Variants in SLC30A9 observed in about 807,000 individuals in gnomAD.
SLC30A9 encodes proton-coupled zinc antiporter SLC30A9, mitochondrial.
A neutral mutation model predicts 87.5 loss-of-function variants in SLC30A9; 58 were observed. That is an observed-to-expected ratio of 0.66 (90% CI 0.54 to 0.82). The LOEUF (loss-of-function observed/expected upper bound fraction) is 0.82, where lower values mean the gene tolerates loss of function less well. Ranked by LOEUF, SLC30A9 falls within the 40% of genes least tolerant of loss-of-function variation. The pLI is 0.00. For synonymous variants in SLC30A9, 234 were observed against 233.0 expected (o/e 1.00, Z -0.04); for missense variants, 557 against 679.1 (o/e 0.82, Z 2.00).
intron 1 of SLC30A9, among the ~76,000 whole-genome samples, chr4:41,993,067 C>G (rs922091114): frequency 6.6e-6 from 1 of 150,688 alleles, no homozygotes; most frequent in African/African-American, 2.4e-5. Context: ...ATATGAGAGC[C>G]CTGTTTGTAA....
At chr4:42,001,876 A>G (rs1048730922) in intron 2 of SLC30A9, 96 bp downstream of exon 2, 4 of 809,770 alleles carry the variant, frequency 4.9e-6, no homozygotes, top group Admixed American at 6.1e-5. Flanking sequence ...CTTACTTATA[A>G]TACTGTCTGG....
At chr4:42,077,263 A>G (rs1157890955) in intron 16 of SLC30A9, among the ~76,000 whole-genome samples, 1 of 152,090 alleles carries the variant, frequency 6.6e-6, no homozygotes, top group Non-Finnish European at 1.5e-5. Flanking sequence ...TCTTGTTCTA[A>G]TTTTATTTCT....
intron 8 of SLC30A9, among the ~76,000 whole-genome samples, chr4:42,040,371 A>G (rs972999305): frequency 2.0e-5 from 3 of 152,168 alleles, no homozygotes; most frequent in Admixed American, 6.6e-5. Flanking sequence ...ATTATTGTTA[A>G]TATATATTGG....
chr4:42,025,562 C>G (rs1716150985), intron 6 of SLC30A9, among the ~76,000 whole-genome samples: 1 of 152,024 alleles, frequency 6.6e-6, no homozygotes, highest in Admixed American at 6.6e-5. Context: ...TTGTAAAATC[C>G]AAGTTCTTTA....
At chr4:42,004,777 A>G (rs1056717784) in intron 2 of SLC30A9, among the ~76,000 whole-genome samples, 6 of 148,590 alleles carry the variant, frequency 4.0e-5, no homozygotes, top group Non-Finnish European at 7.4e-5. Context: ...TTAGCCCCCT[A>G]AGTAGCTGAG....
At chr4:42,069,436 T>C (rs28498032) in intron 14 of SLC30A9, among the ~76,000 whole-genome samples, 99,256 of 152,084 alleles carry the variant, frequency 0.65, 36,889 homozygotes, top group East Asian at 0.96. Context: ...AAAATAACTC[T>C]TCACATTTGG....
Position 42,059,022 on chromosome 4 carries a change from G to T in SLC30A9, c.841-1169G>T, listed in dbSNP as rs73812703. ...GTGGTAAAAGCTTATAATATTCTGT[G>T]TATTTAGGGTAGGGTTTCCAATATT... On this transcript the variant is annotated intron_variant, in intron 9 of 17. Transcript: ENST00000264451. Among the ~76,000 whole-genome samples, 581 of 152,196 alleles carry T rather than the reference G, an allele frequency of 3.8e-3. 5 individuals carry two copies. Among genetic ancestry groups the T allele is most frequent in the African/African-American group, 0.013 (559 of 41,544 alleles).
chr4:42,010,043 A>C (rs1715375172), intron 2 of SLC30A9, among the ~76,000 whole-genome samples: 1 of 152,208 alleles, frequency 6.6e-6, no homozygotes, highest in Admixed American at 6.5e-5. Context: ...TTAATTTTTT[A>C]AGGTCAAATG....
chr4:42,028,410 C>T (rs1239094709), intron 6 of SLC30A9, among the ~76,000 whole-genome samples: 2 of 152,188 alleles, frequency 1.3e-5, no homozygotes, highest in Non-Finnish European at 2.9e-5. Flanking sequence ...TGAGCCACTG[C>T]GCCCAGCCAC....
intron 9 of SLC30A9, among the ~76,000 whole-genome samples, chr4:42,053,594 C>T (rs1310975773): frequency 6.8e-6 from 1 of 146,806 alleles, no homozygotes; most frequent in Non-Finnish European, 1.5e-5. Context: ...GAGGCTAAGG[C>T]AGGAGAATCG....
intron 6 of SLC30A9, among the ~76,000 whole-genome samples, chr4:42,027,221 C>T (rs1168697167): frequency 8.5e-5 from 13 of 152,218 alleles, no homozygotes. Flanking sequence ...TATTTTGTGA[C>T]AGATGAAAAT....
intron 1 of SLC30A9, among the ~76,000 whole-genome samples, chr4:41,997,159 CAA>C (rs5857827): frequency 1.4e-5 from 2 of 147,280 alleles, no homozygotes. Context: ...TTTCCTAACT[CAA>C]AAAAAAAAAA....
intron 3 of SLC30A9, among the ~76,000 whole-genome samples, chr4:42,018,897 T>C (rs1462281501): frequency 2.0e-5 from 3 of 152,112 alleles, no homozygotes; most frequent in Non-Finnish European, 2.9e-5. Context: ...ATTAATAACC[T>C]GGGCCAGGGT....
intron 8 of SLC30A9, among the ~76,000 whole-genome samples, chr4:42,043,695 T>C (rs1022402744): frequency 2.6e-5 from 4 of 152,098 alleles, no homozygotes; most frequent in Non-Finnish European, 4.4e-5. Context: ...CAGGCTAATA[T>C]TCAAATTCAG....
At chr4:42,024,945 T>C in intron 6 of SLC30A9, among the ~76,000 whole-genome samples, 1 of 152,232 alleles carries the variant, frequency 6.6e-6, no homozygotes, top group African/African-American at 2.4e-5. Flanking sequence ...TTAACCAAAA[T>C]CTAACCAAGT....
At chr4:42,038,073 G>A (rs78487003) in intron 7 of SLC30A9, among the ~76,000 whole-genome samples, 6,459 of 152,198 alleles carry the variant, frequency 0.042, 178 homozygotes, top group African/African-American at 0.058. Flanking sequence ...CGCCCGACCT[G>A]ATTATGGAAT....
Position 42,090,267 on chromosome 4 carries a change from A to G in SLC30A9, c.*4141A>G, listed in dbSNP as rs967067479. The G allele has an allele frequency of 6.6e-6, 1 of 152,232 alleles. No homozygotes were observed. The highest frequency in any genetic ancestry group is 1.5e-5 in the Non-Finnish European group (1 of 68,036). 9.4% of individuals were successfully genotyped at this position (152,232 alleles called of 1,614,324 possible). On this transcript the variant is annotated 3_prime_UTR_variant, in exon 18 of 18. Coordinates refer to ENST00000264451, the MANE Select transcript of SLC30A9 (RefSeq NM_006345.4). The stretch of plus-strand genomic sequence containing the variant: ...AAATGGAACTTTGGAAGCCATTTAT[A>G]TAGATTAGTCTGACAGCCTTTATAT...
intron 3 of SLC30A9, among the ~76,000 whole-genome samples, chr4:42,019,537 G>T (rs1032152045): frequency 5.4e-4 from 82 of 151,620 alleles, no homozygotes; most frequent in Non-Finnish European, 1.3e-4. Context: ...AAATTATTCT[G>T]TACTTTTCTT....
intron 3 of SLC30A9, 50 bp downstream of exon 3, chr4:42,018,220 A>G (rs1560539712): frequency 1.9e-6 from 2 of 1,037,782 alleles, no homozygotes; most frequent in African/African-American, 3.3e-5. Flanking sequence ...TTTGAATTAA[A>G]TATATAACAT....
Sources: gnomAD v4.1 joint callset for allele counts (sites outside exome capture counted in the v4.1 genomes callset) on GRCh38, gnomAD v4.1.1 for gene constraint, MANE v1.5 for transcripts, NCBI Gene and HGNC (gene_info 2026-07-23, HGNC 2026-07-21) for gene names.